Variants in UGT1A10 observed in about 807,000 individuals in gnomAD.
The protein encoded by UGT1A10 is UDP glucuronosyltransferase family 1 member A10.
In UGT1A10, 49 loss-of-function variants were observed where a neutral mutation model predicts 45.8. The ratio of observed to expected loss-of-function variants is 1.07; its 90% CI spans 0.85 to 1.36. The LOEUF (loss-of-function observed/expected upper bound fraction) is 1.36. UGT1A10 is among the 40% of genes most tolerant of loss of function. UGT1A10 has a pLI of 0.00. For synonymous variants in UGT1A10, 284 were observed against 249.7 expected (o/e 1.14, Z -1.29); for missense variants, 745 against 668.6 (o/e 1.11, Z -1.26).
intron 1 of UGT1A10, among the ~76,000 whole-genome samples, chr2:233,647,437 G>A (rs1196619718): frequency 2.6e-5 from 4 of 152,026 alleles, no homozygotes; most frequent in African/African-American, 7.3e-5. Flanking sequence ...TCTGTTTTCC[G>A]GACTAGATTG....
At chr2:233,733,135 T>C (rs2078360537) in intron 1 of UGT1A10, among the ~76,000 whole-genome samples, 1 of 152,236 alleles carries the variant, frequency 6.6e-6, no homozygotes, top group Admixed American at 6.5e-5. Flanking sequence ...ATAGGAATGC[T>C]TGTGATTTTT....
At chr2:233,722,847 T>TATGAAGACACTAC (rs1484611213) in intron 1 of UGT1A10, among the ~76,000 whole-genome samples, 1 of 139,226 alleles carries the variant, frequency 7.2e-6, no homozygotes, top group African/African-American at 2.9e-5. Flanking sequence ...GAATGTTTCT[T>TATGAAGACACTAC]TTTTTTTTTT....
At chr2:233,716,681 T>C (rs991424130) in intron 1 of UGT1A10, among the ~76,000 whole-genome samples, 4 of 152,224 alleles carry the variant, frequency 2.6e-5, no homozygotes, top group African/African-American at 9.6e-5. Context: ...CCCCAAGATA[T>C]AGTTTCTACA....
intron 1 of UGT1A10, among the ~76,000 whole-genome samples, chr2:233,751,262 C>A (rs1474286955): frequency 1.3e-5 from 2 of 151,906 alleles, no homozygotes; most frequent in Non-Finnish European, 2.9e-5. Flanking sequence ...GCCTGTAGCC[C>A]CCTTTTTTTG....
chr2:233,660,153 A>G (rs941774901), intron 1 of UGT1A10, among the ~76,000 whole-genome samples: 3 of 152,202 alleles, frequency 2.0e-5, no homozygotes, highest in African/African-American at 7.2e-5. Context: ...TGTATTGTTT[A>G]GGGCTTGATG....
At chr2:233,652,790 C>G (rs1350580220) in intron 1 of UGT1A10, among the ~76,000 whole-genome samples, 2 of 152,048 alleles carry the variant, frequency 1.3e-5, no homozygotes, top group East Asian at 1.9e-4. Flanking sequence ...GAAGATGCAC[C>G]CTTATATGCA....
At chr2:233,760,657 T>G in intron 1 of UGT1A10, 1 of 1,614,222 alleles carries the variant, frequency 6.2e-7, no homozygotes. Flanking sequence ...TGCTATGCTT[T>G]TGTCTGGCTG....
At chr2:233,678,886 T>C (rs958631363) in intron 1 of UGT1A10, among the ~76,000 whole-genome samples, 8 of 152,202 alleles carry the variant, frequency 5.3e-5, no homozygotes, top group South Asian at 4.1e-4. Flanking sequence ...ACTTCCTTGA[T>C]TGGCTCTGTC....
chr2:233,682,293 TA>T (rs748312347), intron 1 of UGT1A10: 2 of 1,614,086 alleles, frequency 1.2e-6, no homozygotes, highest in Non-Finnish European at 1.7e-6. Context: ...ATTTTTGACT[TA>T]TTTTTTTCAA....
intron 1 of UGT1A10, chr2:233,682,379 G>T: frequency 6.2e-7 from 1 of 1,613,868 alleles, no homozygotes; most frequent in Non-Finnish European, 8.5e-7. Flanking sequence ...AGTGTTTCTC[G>T]ATCCTTTTGA....
chr2:233,686,714 C>T (rs547958774), intron 1 of UGT1A10, among the ~76,000 whole-genome samples: 52 of 152,314 alleles, frequency 3.4e-4, no homozygotes, highest in Non-Finnish European at 6.2e-4. Context: ...ACCCTCCCAC[C>T]GGCTATGAAG....
At chr2:233,705,835 G>A (rs1031136010) in intron 1 of UGT1A10, among the ~76,000 whole-genome samples, 34 of 152,260 alleles carry the variant, frequency 2.2e-4, no homozygotes, top group African/African-American at 7.7e-4. Flanking sequence ...CACAGTGGCT[G>A]GAGCTGAAGT....
rs373895890 is a variant in UGT1A10 at position 233,713,391 on chromosome 2, A to G, written c.856-53643A>G. 9.0e-5 allele frequency: 146 copies of G among 1,614,152 alleles called. No homozygotes were observed. The highest frequency in any genetic ancestry group is 1.2e-4 in the Non-Finnish European group (139 of 1,180,034). ...TAGGTCTTGTGTGGAGCTACTGCAT[A>G]ATGAGGCCCTGATCAGGCACCTGCA... On this transcript the variant is annotated intron_variant, in intron 1 of 4. Coordinates refer to ENST00000344644, the MANE Select transcript of UGT1A10 (RefSeq NM_019075.4).
Position 233,767,084 on chromosome 2 carries a change from C to G in UGT1A10, c.906C>G (p.Phe302Leu). 6.2e-7 allele frequency: 1 copy of G among 1,614,120 alleles called. No homozygotes were observed. Among genetic ancestry groups the G allele is most frequent in the Non-Finnish European group, 8.5e-7 (1 of 1,180,022 alleles). The change falls in exon 2 of 5, where the codon TTC becomes TTG. Residue 302 changes from phenylalanine (F) to leucine (L), a missense_variant. Transcript: ENST00000344644. ...NASGEHGIVV[F>L]SLGSMVSEIP... ...CTGGAGAACATGGAATTGTGGTTTT[C>G]TCTTTGGGATCAATGGTCTCAGAAA...
At chr2:233,733,152 T>G (rs1034530556) in intron 1 of UGT1A10, among the ~76,000 whole-genome samples, 15 of 152,252 alleles carry the variant, frequency 9.9e-5, no homozygotes, top group African/African-American at 3.4e-4. Context: ...TTTTGCACAT[T>G]GATTTTGTAT....
At chr2:233,655,020 T>TGGAG (rs2073825310) in intron 1 of UGT1A10, among the ~76,000 whole-genome samples, 1 of 151,894 alleles carries the variant, frequency 6.6e-6, no homozygotes, top group South Asian at 2.1e-4. Flanking sequence ...ACCTGGAAGA[T>TGGAG]GGAGGTTGCA....
At chr2:233,746,367 C>T (rs1317726089) in intron 1 of UGT1A10, among the ~76,000 whole-genome samples, 1 of 151,694 alleles carries the variant, frequency 6.6e-6, no homozygotes, top group Non-Finnish European at 1.5e-5. Flanking sequence ...AGTAACAAGT[C>T]CCTTCATTCT....
chr2:233,717,710 C>A, intron 1 of UGT1A10: 2 of 452,848 alleles, frequency 4.4e-6, no homozygotes, highest in Non-Finnish European at 8.9e-6. Context: ...CAGGACGAGC[C>A]TCATGGGCAT....
chr2:233,660,625 T>C (rs2073943273), intron 1 of UGT1A10, among the ~76,000 whole-genome samples: 1 of 152,312 alleles, frequency 6.6e-6, no homozygotes, highest in South Asian at 2.1e-4. Context: ...ATAGATAAGG[T>C]TATTCTTAAT....
Sources: allele counts gnomAD v4.1 joint callset (sites outside exome capture counted in the v4.1 genomes callset), GRCh38; gene constraint gnomAD v4.1.1; transcripts MANE v1.5; gene names NCBI Gene and HGNC (gene_info 2026-07-23, HGNC 2026-07-21).